SFXN1: variants seen among roughly 807,000 people sequenced by gnomAD.
SFXN1 encodes the protein sideroflexin-1.
SFXN1 carries 32 observed loss-of-function variants against 39.5 expected under a neutral mutation model. The ratio of observed to expected loss-of-function variants is 0.81; its 90% CI spans 0.61 to 1.09. The LOEUF is 1.09. SFXN1 is among the 50% of genes least tolerant of loss of function. SFXN1 has a pLI of 0.00. For missense variants in SFXN1, 402 were observed against 407.1 expected, an observed-to-expected ratio of 0.99 and a Z score of 0.11; for synonymous variants, 136 against 146.5, an observed-to-expected ratio of 0.93 and a Z score of 0.52.
chr5:175,502,861 T>TAATAAATA (rs369792578), intron 2 of SFXN1, among the ~76,000 whole-genome samples: 4 of 151,090 alleles, frequency 2.6e-5, no homozygotes, highest in African/African-American at 4.9e-5. Flanking sequence ...ATAATAATAA[T>TAATAAATA]AATAAATAAA....
chr5:175,482,596 G>C (rs992105986), intron 1 of SFXN1, among the ~76,000 whole-genome samples: 1 of 152,122 alleles, frequency 6.6e-6, no homozygotes, highest in Non-Finnish European at 1.5e-5. Context: ...GCTTCCACTC[G>C]TGGAAAACCA....
chr5:175,506,871 G>A (rs945804595), intron 2 of SFXN1, among the ~76,000 whole-genome samples: 4 of 152,116 alleles, frequency 2.6e-5, no homozygotes, highest in African/African-American at 9.7e-5. Flanking sequence ...TCACCATGTT[G>A]GCCAGTCTGG....
At chr5:175,481,819 A>C (rs910868148) in intron 1 of SFXN1, among the ~76,000 whole-genome samples, 1 of 152,226 alleles carries the variant, frequency 6.6e-6, no homozygotes, top group Admixed American at 6.5e-5. Flanking sequence ...AATGCTTTGC[A>C]CAGAATTCAA....
chr5:175,501,475 T>C (rs538739903), intron 2 of SFXN1, among the ~76,000 whole-genome samples: 52 of 152,298 alleles, frequency 3.4e-4, no homozygotes, highest in Non-Finnish European at 2.2e-4. Flanking sequence ...AGTAAAGTCT[T>C]TTTATGACAG....
chr5:175,486,374 T>C (rs1759450116), intron 1 of SFXN1, among the ~76,000 whole-genome samples: 1 of 152,224 alleles, frequency 6.6e-6, no homozygotes, highest in Admixed American at 6.5e-5. Context: ...TTATTTCCCC[T>C]CTGGACCTCA....
intron 2 of SFXN1, among the ~76,000 whole-genome samples, chr5:175,498,936 T>G (rs1207099223): frequency 6.6e-6 from 1 of 151,816 alleles, no homozygotes; most frequent in Non-Finnish European, 1.5e-5. Context: ...TTTACACAGG[T>G]AAAGAAAGAA....
intron 1 of SFXN1, 171 bp downstream of exon 1, chr5:175,478,810 G>GC (rs1352059328): frequency 7.5e-6 from 1 of 132,632 alleles, no homozygotes; most frequent in Non-Finnish European, 1.5e-5. Flanking sequence ...CCTCGGGCCG[G>GC]GGGGGGGGTC....
chr5:175,488,274 T>G (rs1759522941), intron 1 of SFXN1, among the ~76,000 whole-genome samples: 1 of 152,042 alleles, frequency 6.6e-6, no homozygotes, highest in South Asian at 2.1e-4. Flanking sequence ...TCATGCCTTC[T>G]TGCTATTCTT....
rs186277258 is a variant in SFXN1, at chr5:175,509,309, T to G, written c.335+107T>G. The G allele has an allele frequency of 1.1e-3, 1,266 of 1,134,580 alleles. 9 individuals carry two copies. The African/African-American group carries it at 0.018, about 16-fold the overall frequency. 70.3% of individuals were successfully genotyped at this position (1,134,580 alleles called of 1,614,324 possible). A position where few individuals can be genotyped will look rare whatever the true frequency, so the allele number is the denominator to read the frequency against. On this transcript the variant is annotated intron_variant, in intron 3 of 10. Coordinates refer to ENST00000321442, the MANE Select transcript of SFXN1 (RefSeq NM_022754.7). ...AAATAAGTATTATTTCATAAGTATATGAAGTGACAAACAAGGTAATTAGCT... is the reference window on the plus strand; with the variant it reads ...AAATAAGTATTATTTCATAAGTATAGGAAGTGACAAACAAGGTAATTAGCT...
At chr5:175,517,862 G>A (rs1000698073) in intron 8 of SFXN1, among the ~76,000 whole-genome samples, 1 of 152,078 alleles carries the variant, frequency 6.6e-6, no homozygotes, top group Non-Finnish European at 1.5e-5. Context: ...TTGGCCTTCC[G>A]CTTGTTCCCA....
At chr5:175,518,972 A>G (rs1760798172) in intron 8 of SFXN1, among the ~76,000 whole-genome samples, 1 of 152,202 alleles carries the variant, frequency 6.6e-6, no homozygotes, top group African/African-American at 2.4e-5. Flanking sequence ...CATGGGGAAA[A>G]ATGTTTACAA....
chr5:175,479,920 A>T (rs1294734698), intron 1 of SFXN1, among the ~76,000 whole-genome samples: 1 of 152,052 alleles, frequency 6.6e-6, no homozygotes, highest in Non-Finnish European at 1.5e-5. Flanking sequence ...TGTTCTAGGC[A>T]TTGTTATAGG....
In SFXN1 at chr5:175,513,449, GT is replaced by G; in HGVS notation, c.597-10del. ...GGCATTGGTGGAGCTCTCTGTATGT[GT>G]TTTGCTCTGCAGGGAACTCAAAGTT... On this transcript the variant is annotated splice_polypyrimidine_tract_variant and intron_variant, in intron 6 of 10. Transcript: ENST00000321442. 1 of 1,611,562 alleles carries G rather than the reference GT, an allele frequency of 6.2e-7. No homozygotes were observed. Among genetic ancestry groups the G allele is most frequent in the Non-Finnish European group, 8.5e-7 (1 of 1,178,452 alleles).
intron 10 of SFXN1, chr5:175,523,949 T>C (rs1040945925): frequency 2.6e-5 from 4 of 151,504 alleles, no homozygotes; most frequent in African/African-American, 9.7e-5. Flanking sequence ...GTTTTGCTTA[T>C]TTTTATTTTA....
chr5:175,524,915 T>C lies in SFXN1; in HGVS notation c.873-1723T>C, dbSNP rs1445623391. 3.9e-5 allele frequency among the ~76,000 whole-genome samples: 6 copies of C among 152,088 alleles called. No individual in the cohort carries two copies. The East Asian group carries it at 9.6e-4, about 24-fold the overall frequency. ...TTGAAAACAAGCAAAATAGACAAAT[T>C]TCTGGAAAAAATATTAGCAAAGCTG... is the stretch of plus-strand genomic sequence containing the variant. On this transcript the variant is annotated intron_variant, in intron 10 of 10. Coordinates refer to ENST00000321442, the MANE Select transcript of SFXN1 (RefSeq NM_022754.7).
chr5:175,512,602 CATT>C (rs1296529405), intron 6 of SFXN1, among the ~76,000 whole-genome samples: 1 of 151,832 alleles, frequency 6.6e-6, no homozygotes, highest in Non-Finnish European at 1.5e-5. Flanking sequence ...GCTTAAAGTA[CATT>C]ATTCTATATC....
Position 175,512,226 on chromosome 5 carries a change from CAT to C in SFXN1, c.596+31_596+32del, listed in dbSNP as rs535585926. 359 of 1,582,766 alleles carry C rather than the reference CAT, an allele frequency of 2.3e-4. 3 individuals carry two copies. In the African/African-American group the frequency reaches 4.3e-3, roughly 19 times the overall value. On this transcript the variant is annotated intron_variant, in intron 6 of 10. Coordinates refer to ENST00000321442, the MANE Select transcript of SFXN1 (RefSeq NM_022754.7). Reference sequence around the variant, plus strand: ...GACGAATATGCACTCTTAGTAGGGACATGTGCTTGACAGGAGAGTCTCTTGTA... The same window carrying C: ...GACGAATATGCACTCTTAGTAGGGACGTGCTTGACAGGAGAGTCTCTTGTA...
chr5:175,498,075 AAAC>A lies in SFXN1; in HGVS notation c.164+5811_164+5813del, dbSNP rs566378564. Among the ~76,000 whole-genome samples the A allele has an allele frequency of 2.0e-4, 31 of 152,100 alleles. No individual in the cohort carries two copies. In the South Asian group the frequency reaches 6.4e-3, roughly 32 times the overall value. On this transcript the variant is annotated intron_variant, in intron 2 of 10. Coordinates refer to ENST00000321442, the MANE Select transcript of SFXN1 (RefSeq NM_022754.7). ...TCAAAACAAAAAAATCACAAAGTAA[AAAC>A]AATGAGAAATTAATGAGAAAATTAA...
chr5:175,507,850 A>G lies in SFXN1; in HGVS notation c.165-1182A>G, dbSNP rs147877451. On this transcript the variant is annotated intron_variant, in intron 2 of 10. Transcript: ENST00000321442. The stretch of plus-strand genomic sequence containing the variant: ...TAACCAGGCATGGTGGCGCATGCCT[A>G]TAGTCCTAGCTACTCAGGAAACTGA... Among the ~76,000 whole-genome samples the G allele has an allele frequency of 6.4e-4, 98 of 152,200 alleles. No individual in the cohort carries two copies. The East Asian group carries it at 0.015, about 23-fold the overall frequency.
Sources: gnomAD v4.1 joint callset for allele counts (sites outside exome capture counted in the v4.1 genomes callset) on GRCh38, gnomAD v4.1.1 for gene constraint, MANE v1.5 for transcripts, NCBI Gene and HGNC (gene_info 2026-07-23, HGNC 2026-07-21) for gene names.